Variants in XYLT1 observed in about 807,000 individuals in gnomAD.
XYLT1 encodes xylosyltransferase 1.
Under a neutral mutation model 91.3 loss-of-function variants are expected in XYLT1, and 36 were observed. That is an observed-to-expected ratio of 0.39 (90% CI 0.30 to 0.52). XYLT1 has a LOEUF of 0.52. XYLT1 is among the 20% of genes least tolerant of loss of function. XYLT1 has a pLI of 0.68. For synonymous variants in XYLT1, 588 were observed against 532.0 expected (o/e 1.11, Z -1.45); for missense variants, 1,242 against 1,284.5 (o/e 0.97, Z 0.51).
chr16:17,379,978 T>C (rs902778067), intron 1 of XYLT1, among the ~76,000 whole-genome samples: 1 of 152,174 alleles, frequency 6.6e-6, no homozygotes, highest in Non-Finnish European at 1.5e-5. Flanking sequence ...CCTTTGTGTC[T>C]GGCAACAATG....
intron 1 of XYLT1, among the ~76,000 whole-genome samples, chr16:17,368,383 A>C: frequency 6.6e-6 from 1 of 152,050 alleles, no homozygotes; most frequent in East Asian, 1.9e-4. Context: ...ATATTTCTTA[A>C]TGAAACGATA....
At position 17,104,891 on chromosome 16, in the gene XYLT1, G is replaced by C. The variant is rs570842543; in HGVS notation, c.*3804C>G. The C allele has an allele frequency of 6.6e-6, 1 of 152,114 alleles. No homozygotes were observed. The highest frequency in any genetic ancestry group is 1.5e-5 in the Non-Finnish European group (1 of 68,068). 9.4% of individuals were successfully genotyped at this position (152,114 alleles called of 1,614,324 possible). On this transcript the variant is annotated 3_prime_UTR_variant, in exon 12 of 12. Transcript: ENST00000261381. ...TTTTGCCTCACACCAACCATTTCAC[G>C]CATCTATGCTAGTATTCTGGGCCCC...
intron 3 of XYLT1, among the ~76,000 whole-genome samples, chr16:17,240,713 G>A (rs1405540412): frequency 1.3e-5 from 2 of 152,172 alleles, no homozygotes; most frequent in African/African-American, 4.8e-5. Flanking sequence ...TAATGATGAG[G>A]ATAGTAATAA....
intron 1 of XYLT1, among the ~76,000 whole-genome samples, chr16:17,395,852 C>A (rs965381370): frequency 6.6e-6 from 1 of 152,152 alleles, no homozygotes; most frequent in East Asian, 1.9e-4. Context: ...ATGTAGTGTC[C>A]TCTCTGTCAC....
chr16:17,215,099 T>TA (rs1395814402), intron 3 of XYLT1, among the ~76,000 whole-genome samples: 2 of 152,196 alleles, frequency 1.3e-5, no homozygotes, highest in African/African-American at 4.8e-5. Context: ...CTCATGCCTG[T>TA]AATCCCAGCA....
In XYLT1 at chr16:17,104,654, A is replaced by G. The variant is rs973591990; in HGVS notation, c.*4041T>C. ...CCACTATCTGTTAAAAAAAACAAAA[A>G]CAAACAAACAAACAACCCGACGTTG... On this transcript the variant is annotated 3_prime_UTR_variant, in exon 12 of 12. Coordinates refer to ENST00000261381, the MANE Select transcript of XYLT1 (RefSeq NM_022166.4). 1 of 147,752 alleles carries G rather than the reference A, an allele frequency of 6.8e-6. No homozygotes were observed. Among genetic ancestry groups the G allele is most frequent in the Non-Finnish European group, 1.5e-5 (1 of 67,906 alleles). 9.2% of individuals were successfully genotyped at this position (147,752 alleles called of 1,614,324 possible).
At chr16:17,187,769 T>C (rs2032218867) in intron 5 of XYLT1, among the ~76,000 whole-genome samples, 1 of 151,786 alleles carries the variant, frequency 6.6e-6, no homozygotes, top group African/African-American at 2.4e-5. Flanking sequence ...TATTTTATCA[T>C]TCTCACCATA....
chr16:17,212,029 G>C (rs1224763461), intron 3 of XYLT1, among the ~76,000 whole-genome samples: 1 of 152,200 alleles, frequency 6.6e-6, no homozygotes, highest in Non-Finnish European at 1.5e-5. Context: ...ATAGGGCGTG[G>C]AGAGGCAAAA....
At chr16:17,445,413 A>C (rs1239641925) in intron 1 of XYLT1, among the ~76,000 whole-genome samples, 1 of 152,242 alleles carries the variant, frequency 6.6e-6, no homozygotes, top group Non-Finnish European at 1.5e-5. Flanking sequence ...GAAAGAGGTG[A>C]CCACATAGAG....
chr16:17,229,885 A>G (rs2141720035), intron 3 of XYLT1, among the ~76,000 whole-genome samples: 1 of 152,376 alleles, frequency 6.6e-6, no homozygotes, highest in East Asian at 1.9e-4. Context: ...TAGTTAAATT[A>G]AGATGAGTTC....
chr16:17,150,961 T>G (rs1293363341), intron 6 of XYLT1, among the ~76,000 whole-genome samples: 1 of 152,258 alleles, frequency 6.6e-6, no homozygotes, highest in African/African-American at 2.4e-5. Flanking sequence ...GCCCTGTGGC[T>G]GCCAAAGGAA....
At chr16:17,417,172 T>A (rs2036189452) in intron 1 of XYLT1, among the ~76,000 whole-genome samples, 1 of 152,194 alleles carries the variant, frequency 6.6e-6, no homozygotes, top group East Asian at 1.9e-4. Flanking sequence ...CTCACAGTCA[T>A]TTCCAGGAGA....
chr16:17,318,087 GTCT>G (rs2034664072), intron 2 of XYLT1, among the ~76,000 whole-genome samples: 1 of 152,152 alleles, frequency 6.6e-6, no homozygotes. Flanking sequence ...TATCATCTGT[GTCT>G]TCTTGCTAAG....
At chr16:17,305,765 A>G (rs374473021) in intron 2 of XYLT1, among the ~76,000 whole-genome samples, 56 of 152,202 alleles carry the variant, frequency 3.7e-4, no homozygotes, top group African/African-American at 1.3e-3. Context: ...AACTATAAGG[A>G]CCCGGCAAAC....
At chr16:17,258,956 TC>T (rs1332166549) in intron 3 of XYLT1, 31 bp downstream of exon 3, 1 of 1,481,994 alleles carries the variant, frequency 6.7e-7, no homozygotes, top group African/African-American at 1.4e-5. Flanking sequence ...GGCCAGGAGA[TC>T]CCTCTCTGAG....
At chr16:17,216,711 G>C (rs529532905) in intron 3 of XYLT1, among the ~76,000 whole-genome samples, 1 of 152,282 alleles carries the variant, frequency 6.6e-6, no homozygotes, top group Admixed American at 6.5e-5. Flanking sequence ...TTTACACATG[G>C]GGAAACTGAG....
At chr16:17,346,892 T>C (rs2035151189) in intron 2 of XYLT1, among the ~76,000 whole-genome samples, 1 of 152,220 alleles carries the variant, frequency 6.6e-6, no homozygotes, top group South Asian at 2.1e-4. Flanking sequence ...TTCCACCCAG[T>C]TCTCTTTTGT....
intron 1 of XYLT1, among the ~76,000 whole-genome samples, chr16:17,415,090 C>T (rs1218741978): frequency 6.6e-6 from 1 of 152,124 alleles, no homozygotes; most frequent in Non-Finnish European, 1.5e-5. Context: ...GATGTTCATT[C>T]CCATTTTGCA....
chr16:17,130,528 AGTG>A (rs2030429252), intron 9 of XYLT1, among the ~76,000 whole-genome samples: 2 of 152,106 alleles, frequency 1.3e-5, no homozygotes, highest in African/African-American at 4.8e-5. Context: ...GCTAGAGTGC[AGTG>A]TCGTGAAACT....
Sources: allele counts gnomAD v4.1 joint callset (sites outside exome capture counted in the v4.1 genomes callset), GRCh38; gene constraint gnomAD v4.1.1; transcripts MANE v1.5; gene names NCBI Gene and HGNC (gene_info 2026-07-23, HGNC 2026-07-21).